The following FRMD4A variants were observed in gnomAD, a reference collection of about 807,000 sequenced individuals.
FRMD4A encodes FERM domain-containing protein 4A.
FRMD4A carries 29 observed loss-of-function variants against 129.1 expected under a neutral mutation model. That is an observed-to-expected ratio of 0.22 (90% CI 0.17 to 0.31). The LOEUF (loss-of-function observed/expected upper bound fraction) is 0.31, where lower values mean the gene tolerates loss of function less well. Among genes scored for constraint, FRMD4A ranks in the 10% least tolerant of loss-of-function variants. The pLI is 1.00. For missense variants in FRMD4A, 1,272 were observed against 1,375.8 expected, an observed-to-expected ratio of 0.92 and a Z score of 1.19; for synonymous variants, 634 against 571.6, an observed-to-expected ratio of 1.11 and a Z score of -1.56.
chr10:14,282,988 C>T (rs886379426), intron 2 of FRMD4A, among the ~76,000 whole-genome samples: 2 of 152,156 alleles, frequency 1.3e-5, no homozygotes, highest in Non-Finnish European at 2.9e-5. Flanking sequence ...TAAAGTGCAT[C>T]GCTCCAGAAA....
intron 2 of FRMD4A, among the ~76,000 whole-genome samples, chr10:13,876,198 T>C (rs2094487662): frequency 2.0e-5 from 3 of 152,202 alleles, no homozygotes; most frequent in African/African-American, 7.2e-5. Context: ...AGTTGTGATG[T>C]ATAAGGCATG....
intron 2 of FRMD4A, among the ~76,000 whole-genome samples, chr10:13,894,851 G>A (rs1300138485): frequency 6.6e-6 from 1 of 152,088 alleles, no homozygotes; most frequent in Non-Finnish European, 1.5e-5. Context: ...CTGTGTGAAG[G>A]GCACAGACTG....
At chr10:14,179,932 G>T (rs1841856566) in intron 2 of FRMD4A, among the ~76,000 whole-genome samples, 1 of 152,176 alleles carries the variant, frequency 6.6e-6, no homozygotes. Context: ...TACTCAGGAG[G>T]CTGATGCAGG....
chr10:13,741,630 TC>T (rs2091010717), intron 9 of FRMD4A, among the ~76,000 whole-genome samples: 1 of 152,130 alleles, frequency 6.6e-6, no homozygotes, highest in Admixed American at 6.5e-5. Flanking sequence ...ACACAGGGCC[TC>T]ATGGGGGAAT....
chr10:13,958,281 GTT>G (rs35369777), intron 2 of FRMD4A, among the ~76,000 whole-genome samples: 23 of 104,624 alleles, frequency 2.2e-4, no homozygotes, highest in South Asian at 1.0e-3. Context: ...CATGACCATT[GTT>G]TTTTTTTTTT....
chr10:13,694,165 G>T, intron 14 of FRMD4A, 126 bp from the exon 15 acceptor site: 1 of 689,758 alleles, frequency 1.4e-6, no homozygotes, highest in Non-Finnish European at 2.3e-6. Context: ...TGACTAATGT[G>T]CAGCATTTTT....
At chr10:13,912,204 C>G (rs561485162) in intron 2 of FRMD4A, among the ~76,000 whole-genome samples, 2 of 152,254 alleles carry the variant, frequency 1.3e-5, no homozygotes, top group Non-Finnish European at 2.9e-5. Flanking sequence ...AACAATGAGA[C>G]TAAAAAGCAG....
At chr10:14,298,362 C>A (rs898294461) in intron 2 of FRMD4A, among the ~76,000 whole-genome samples, 1 of 152,128 alleles carries the variant, frequency 6.6e-6, no homozygotes, top group Non-Finnish European at 1.5e-5. Flanking sequence ...ACAGAGCATA[C>A]AGAGGGCTAT....
intron 12 of FRMD4A, among the ~76,000 whole-genome samples, chr10:13,725,335 A>T (rs2089810130): frequency 6.6e-6 from 1 of 152,204 alleles, no homozygotes; most frequent in Non-Finnish European, 1.5e-5. Context: ...CTGGAGACTG[A>T]CTTCAGAGAC....
At chr10:14,144,519 C>T (rs531810704) in intron 2 of FRMD4A, among the ~76,000 whole-genome samples, 1 of 152,232 alleles carries the variant, frequency 6.6e-6, no homozygotes, top group South Asian at 2.1e-4. Flanking sequence ...AATTGGAAAA[C>T]CCTGATGAGT....
At chr10:13,761,015 T>G (rs1398053336) in intron 8 of FRMD4A, among the ~76,000 whole-genome samples, 1 of 152,184 alleles carries the variant, frequency 6.6e-6, no homozygotes, top group Non-Finnish European at 1.5e-5. Context: ...CAGGGCGATT[T>G]CAGGGCAATT....
intron 2 of FRMD4A, among the ~76,000 whole-genome samples, chr10:13,977,456 A>G (rs1963965): frequency 0.8 from 121,841 of 152,174 alleles, 50,975 homozygotes; most frequent in Non-Finnish European, 0.94. Flanking sequence ...AAGGTGGCCT[A>G]TCACTCTTTG....
intron 2 of FRMD4A, among the ~76,000 whole-genome samples, chr10:14,085,042 C>T (rs553648972): frequency 3.5e-4 from 53 of 152,328 alleles, no homozygotes; most frequent in Middle Eastern, 3.4e-3. Context: ...CCCTCGGGTA[C>T]GCTCTGAATC....
At chr10:14,005,416 C>G (rs2095658870) in intron 2 of FRMD4A, among the ~76,000 whole-genome samples, 1 of 152,178 alleles carries the variant, frequency 6.6e-6, no homozygotes, top group Non-Finnish European at 1.5e-5. Context: ...AGCCTGGTCT[C>G]TCAGGATTTG....
intron 3 of FRMD4A, among the ~76,000 whole-genome samples, chr10:13,840,092 G>C (rs1263561721): frequency 6.6e-6 from 1 of 152,226 alleles, no homozygotes; most frequent in African/African-American, 2.4e-5. Flanking sequence ...CGAGGTCACT[G>C]TTAGGGACTG....
At chr10:13,902,614 T>C (rs1589221822) in intron 2 of FRMD4A, among the ~76,000 whole-genome samples, 1 of 151,428 alleles carries the variant, frequency 6.6e-6, no homozygotes, top group Non-Finnish European at 1.5e-5. Flanking sequence ...CCGAGGCAGG[T>C]GGATCACTTG....
intron 2 of FRMD4A, among the ~76,000 whole-genome samples, chr10:13,921,406 C>G (rs941601751): frequency 1.3e-5 from 2 of 152,042 alleles, no homozygotes; most frequent in African/African-American, 2.4e-5. Context: ...GGACCACAGG[C>G]GTGTGCCACC....
chr10:14,238,884 T>C (rs1181898406), intron 2 of FRMD4A, among the ~76,000 whole-genome samples: 1 of 152,228 alleles, frequency 6.6e-6, no homozygotes, highest in East Asian at 1.9e-4. Flanking sequence ...TATGGCTGCA[T>C]AGTATTCCAT....
At chr10:14,087,383 TATTA>T (rs1179539568) in intron 2 of FRMD4A, 1 of 148,864 alleles carries the variant, frequency 6.7e-6, no homozygotes, top group East Asian at 1.9e-4. Context: ...ATAAAATATA[TATTA>T]ATTCTATTTA....
Sources: gnomAD v4.1 joint callset for allele counts (sites outside exome capture counted in the v4.1 genomes callset) on GRCh38, gnomAD v4.1.1 for gene constraint, MANE v1.5 for transcripts, NCBI Gene and HGNC (gene_info 2026-07-23, HGNC 2026-07-21) for gene names.